SPIB: variants seen among roughly 807,000 people sequenced by gnomAD.
SPIB encodes Spi-B transcription factor.
Under a neutral mutation model 31.9 loss-of-function variants are expected in SPIB, and 7 were observed. The observed-to-expected ratio is 0.22, with a 90% CI of 0.12 to 0.41. The LOEUF (loss-of-function observed/expected upper bound fraction) is 0.41. Ranked by LOEUF, SPIB falls within the 10% of genes least tolerant of loss-of-function variation. The pLI is 1.00. For missense variants in SPIB, 327 were observed against 360.2 expected (o/e 0.91, Z 0.75); for synonymous variants, 176 against 158.9 (o/e 1.11, Z -0.81).
In SPIB at chr19:50,423,717, C is replaced by A. The variant is rs576781136; in HGVS notation, c.452C>A (p.Ala151Asp). Residue 151 changes from alanine to aspartate, a missense_variant, in exon 5 of 6, where the codon GCC becomes GAC. Transcript: ENST00000595883. The stretch of plus-strand genomic sequence containing the variant: ...GTCTCGGACAGCGAGTCGGATGAGG[C>A]CCTCGTGGCTGGCCCCGAGGGGAAG... ...LEVSDSESDE[A>D]LVAGPEGKGS... The A allele has an allele frequency of 6.2e-7, 1 of 1,612,884 alleles. No individual in the cohort carries two copies.
intron 2 of SPIB, among the ~76,000 whole-genome samples, chr19:50,421,718 G>A (rs939189255): frequency 7.9e-5 from 12 of 152,184 alleles, no homozygotes; most frequent in African/African-American, 2.2e-4. Context: ...AGGTTCAAGC[G>A]ATTCTCCTGC....
At chr19:50,420,818 G>A (rs1044362909) in intron 2 of SPIB, among the ~76,000 whole-genome samples, 4 of 152,136 alleles carry the variant, frequency 2.6e-5, no homozygotes, top group Non-Finnish European at 4.4e-5. Context: ...AGTAGAGGCA[G>A]GGTTTCACCA....
chr19:50,427,974 G>T, intron 5 of SPIB, 64 bp from the exon 6 acceptor site: 1 of 1,440,492 alleles, frequency 6.9e-7, no homozygotes, highest in Non-Finnish European at 9.2e-7. Context: ...TCGGAGGAGG[G>T]TGGATGGGGA....
chr19:50,419,479 C>T (rs1348259601), intron 1 of SPIB, among the ~76,000 whole-genome samples: 5 of 152,176 alleles, frequency 3.3e-5, no homozygotes, highest in East Asian at 1.9e-4. Context: ...CGCCTCTGTG[C>T]GTGAATGTCC....
chr19:50,419,496 A>G (rs2039459321), intron 1 of SPIB, among the ~76,000 whole-genome samples: 1 of 151,368 alleles, frequency 6.6e-6, no homozygotes, highest in African/African-American at 2.4e-5. Flanking sequence ...GTCCCTTTGC[A>G]CACCTTTCTC....
intron 3 of SPIB, 56 bp from the exon 4 acceptor site, chr19:50,422,767 C>T: frequency 8.0e-7 from 1 of 1,254,146 alleles, no homozygotes; most frequent in South Asian, 1.4e-5. Flanking sequence ...GGGGCTTCGA[C>T]TGCGAGGAGG....
chr19:50,426,872 G>A (rs914125791), intron 5 of SPIB, among the ~76,000 whole-genome samples: 3 of 152,018 alleles, frequency 2.0e-5, no homozygotes, highest in African/African-American at 7.2e-5. Flanking sequence ...GCTCACACCT[G>A]TAATCCCAGC....
rs1418116858 is a variant in SPIB, at chr19:50,430,940, G to A, written c.*2604G>A. ...ATGAGTGGGAAGGGGGAGGGAGGAA[G>A]GGCAGGTAAAACGTCCTCCCCAGGG... On this transcript the variant is annotated 3_prime_UTR_variant, in exon 6 of 6. Coordinates refer to ENST00000595883, the MANE Select transcript of SPIB (RefSeq NM_003121.5). 2.6e-5 allele frequency: 4 copies of A among 152,374 alleles called. No homozygotes were observed. The highest frequency in any genetic ancestry group is 6.8e-3 in the Middle Eastern group (2 of 294). 9.4% of individuals were successfully genotyped at this position (152,374 alleles called of 1,614,324 possible).
chr19:50,419,529 C>A (rs2039460266), intron 1 of SPIB, among the ~76,000 whole-genome samples: 1 of 152,200 alleles, frequency 6.6e-6, no homozygotes, highest in South Asian at 2.1e-4. Flanking sequence ...CTCCTTGAGC[C>A]TCCTCATCTG....
At chr19:50,423,479 G>T in intron 4 of SPIB, 126 bp from the exon 5 acceptor site, 1 of 1,352,978 alleles carries the variant, frequency 7.4e-7, no homozygotes, top group Non-Finnish European at 1.0e-6. Flanking sequence ...CTGAACAAAG[G>T]CCAAAATCTA....
At chr19:50,419,194 C>T (rs1404028440) in intron 1 of SPIB, among the ~76,000 whole-genome samples, 1 of 152,178 alleles carries the variant, frequency 6.6e-6, no homozygotes, top group Non-Finnish European at 1.5e-5. Flanking sequence ...TTCCTGGTCC[C>T]CAAAGATCTC....
chr19:50,425,241 G>A (rs573712295), intron 5 of SPIB, among the ~76,000 whole-genome samples: 1 of 152,064 alleles, frequency 6.6e-6, no homozygotes, highest in East Asian at 2.0e-4. Flanking sequence ...CTGACCTCAG[G>A]TGATCCGCCC....
At chr19:50,421,331 A>G (rs2039490834) in intron 2 of SPIB, among the ~76,000 whole-genome samples, 1 of 151,960 alleles carries the variant, frequency 6.6e-6, no homozygotes, top group Non-Finnish European at 1.5e-5. Context: ...TTATTTATTT[A>G]TTTATTTATT....
At position 50,423,568 on chromosome 19, in the gene SPIB, G is replaced by C. The variant is rs1266861068; in HGVS notation, c.340-37G>C. The C allele has an allele frequency of 1.9e-6, 3 of 1,600,072 alleles. No homozygotes were observed. The Admixed American group carries it at 5.1e-5, about 27-fold the overall frequency. Reference sequence around the variant, plus strand: ...GAGGAGGAAGTGGAGGGAGACAAGGGGTCCCTGGACATGCAGGTGACCCTG... The same window carrying C: ...GAGGAGGAAGTGGAGGGAGACAAGGCGTCCCTGGACATGCAGGTGACCCTG... On this transcript the variant is annotated intron_variant, in intron 4 of 5. Coordinates refer to ENST00000595883, the MANE Select transcript of SPIB (RefSeq NM_003121.5).
intron 5 of SPIB, among the ~76,000 whole-genome samples, chr19:50,425,385 T>C (rs2039552325): frequency 6.6e-6 from 1 of 152,198 alleles, no homozygotes; most frequent in Non-Finnish European, 1.5e-5. Flanking sequence ...ACATTTAAGA[T>C]GGAGAGGATC....
chr19:50,421,739 A>G (rs1601261033), intron 2 of SPIB, among the ~76,000 whole-genome samples: 1 of 151,986 alleles, frequency 6.6e-6, no homozygotes, highest in African/African-American at 2.4e-5. Flanking sequence ...CTCGGCCTCC[A>G]GAGTAGCTGG....
chr19:50,427,473 C>A (rs1334613432), intron 5 of SPIB, among the ~76,000 whole-genome samples: 2 of 152,174 alleles, frequency 1.3e-5, no homozygotes, highest in Admixed American at 1.3e-4. Flanking sequence ...TGCAGTAAGC[C>A]GAGATTGCGC....
chr19:50,430,149 C>A lies in SPIB; in HGVS notation c.*1813C>A, dbSNP rs1040756370. On this transcript the variant is annotated 3_prime_UTR_variant, in exon 6 of 6. Transcript: ENST00000595883. ...TGGGGAGCTGGAACAGGACAGTAGC[C>A]TTTCCTAATGAGGCATTTGTTCTCC... 1 of 152,286 alleles carries A rather than the reference C, an allele frequency of 6.6e-6. No individual in the cohort carries two copies. The highest frequency in any genetic ancestry group is 2.4e-5 in the African/African-American group (1 of 41,438). 9.4% of individuals were successfully genotyped at this position (152,286 alleles called of 1,614,324 possible). A position where few individuals can be genotyped will look rare whatever the true frequency, so the allele number is the denominator to read the frequency against.
intron 2 of SPIB, among the ~76,000 whole-genome samples, chr19:50,420,180 T>A (rs2039476771): frequency 6.6e-6 from 1 of 152,248 alleles, no homozygotes; most frequent in Admixed American, 6.5e-5. Context: ...CTTGTGGCTT[T>A]GTATCTCTCT....
Sources: gnomAD v4.1 joint callset for allele counts (sites outside exome capture counted in the v4.1 genomes callset) on GRCh38, gnomAD v4.1.1 for gene constraint, MANE v1.5 for transcripts, NCBI Gene and HGNC (gene_info 2026-07-23, HGNC 2026-07-21) for gene names.